MALAT1: variants seen among roughly 807,000 people sequenced by gnomAD.
MALAT1 encodes the protein hepcarcin.
intron 1 of MALAT1, chr11:65,498,207 G>A (rs758072886): frequency 1.3e-5 from 7 of 518,812 alleles, no homozygotes; most frequent in Admixed American, 7.8e-5. Flanking sequence ...CGGAGACAAA[G>A]CCATTCGCTT....
At chr11:65,504,976 G>C (rs561441834) in intron 3 of MALAT1, 36 of 518,792 alleles carry the variant, frequency 6.9e-5, no homozygotes, top group South Asian at 4.5e-4. Context: ...ACTATAGAAG[G>C]AGCTTCCAGT....
At chr11:65,499,446 T>A in exon 3 of MALAT1, 1 of 473,210 alleles carries the variant, frequency 2.1e-6, no homozygotes, top group Non-Finnish European at 4.2e-6. Context: ...GCTTAAAGTT[T>A]AGTTTAAAAG....
intron 3 of MALAT1, chr11:65,503,955 A>G (rs1201699658): frequency 1.9e-6 from 1 of 515,680 alleles, no homozygotes; most frequent in Non-Finnish European, 3.9e-6. Context: ...TTATTTCCAG[A>G]AAGTCAGGGG....
chr11:65,500,349 AGATTATTTT>A (rs770280276), exon 3 of MALAT1: 1 of 518,726 alleles, frequency 1.9e-6, no homozygotes, highest in South Asian at 1.4e-5. Flanking sequence ...CTTTGAGTTA[AGATTATTTT>A]TTAAATCCTG....
intron 1 of MALAT1, chr11:65,498,057 G>A (rs763481434): frequency 2.9e-5 from 15 of 518,754 alleles, no homozygotes; most frequent in Non-Finnish European, 4.6e-5. Flanking sequence ...TTCCTGCTCC[G>A]GTTCAGAAGG....
intron 3 of MALAT1, chr11:65,505,746 T>C (rs764376702): frequency 3.9e-6 from 2 of 518,968 alleles, no homozygotes; most frequent in South Asian, 2.8e-5. Context: ...AACAGAAGGG[T>C]ATTAAAACCA....
exon 3 of MALAT1, chr11:65,499,353 A>G: frequency 2.0e-6 from 1 of 494,818 alleles, no homozygotes; most frequent in Non-Finnish European, 4.0e-6. Context: ...TTAAAAGAAA[A>G]TTGAGAGAAA....
Position 65,500,308 on chromosome 11 carries a change from GTAAT to G in MALAT1, n.1574_1577del, listed in dbSNP as rs771824762. 28 of 518,876 alleles carry G rather than the reference GTAAT, an allele frequency of 5.4e-5. No homozygotes were observed. The East Asian group carries it at 1.5e-3, about 28-fold the overall frequency. 32.1% of individuals were successfully genotyped at this position (518,876 alleles called of 1,614,324 possible). A position where few individuals can be genotyped will look rare whatever the true frequency, so the allele number is the denominator to read the frequency against. On this transcript the variant is annotated non_coding_transcript_exon_variant, in exon 3 of 4. Transcript: ENST00000619449. ...TAACGGAAGTAATTCAAGATCAAGAGTAATTACCAACTTAATGTTTTTGCATTGG... is the reference window on the plus strand; with the variant it reads ...TAACGGAAGTAATTCAAGATCAAGAGTACCAACTTAATGTTTTTGCATTGG...
intron 3 of MALAT1, chr11:65,505,463 G>A (rs1241637903): frequency 3.9e-6 from 2 of 513,070 alleles, no homozygotes; most frequent in Non-Finnish European, 7.8e-6. Context: ...GGTGCTTGAA[G>A]GGGAGGGAAA....
chr11:65,499,808 A>G (rs1356208165), exon 3 of MALAT1: 1 of 420,930 alleles, frequency 2.4e-6, no homozygotes, highest in South Asian at 1.8e-5. Flanking sequence ...GCTAGGAAAC[A>G]AAAAGCTAAG....
chr11:65,500,482 C>T (rs1333537069), exon 3 of MALAT1: 4 of 518,750 alleles, frequency 7.7e-6, no homozygotes, highest in Non-Finnish European at 1.5e-5. Context: ...GAAGCTAGGA[C>T]TGAGGAGCAA....
At chr11:65,498,389 C>T (rs760094633) in intron 1 of MALAT1, 13 of 518,226 alleles carry the variant, frequency 2.5e-5, no homozygotes, top group Non-Finnish European at 4.2e-5. Flanking sequence ...TGGCAGCCAA[C>T]GGCCCCCGGG....
At chr11:65,499,718 A>G (rs1483176958) in exon 3 of MALAT1, 1 of 433,938 alleles carries the variant, frequency 2.3e-6, no homozygotes, top group Non-Finnish European at 4.5e-6. Flanking sequence ...AGATAGGGAA[A>G]TTAGAAGATA....
chr11:65,500,744 A>G (rs1854527107), exon 3 of MALAT1: 1 of 518,896 alleles, frequency 1.9e-6, no homozygotes, highest in Admixed American at 1.9e-5. Context: ...TGCCAAGGCC[A>G]CAGGGAAAGC....
exon 3 of MALAT1, chr11:65,500,615 A>T (rs566489319): frequency 1.0e-4 from 52 of 518,954 alleles, no homozygotes; most frequent in South Asian, 7.3e-4. Flanking sequence ...AGGAAAAAGG[A>T]TTCCAGGAAG....
exon 3 of MALAT1, chr11:65,502,254 T>C (rs766034692): frequency 7.7e-6 from 4 of 518,690 alleles, no homozygotes; most frequent in African/African-American, 5.8e-5. Flanking sequence ...TGTTTGGATA[T>C]GGTAGTGTGT....
rs763637375 is a variant in MALAT1 at position 65,500,157 on chromosome 11, C to T, written n.1420C>T. ...AGGGGAAGTTGGTTAAAAATCACATCAAAAAGCTACTAAAAGGACTGGTGT... is the reference window on the plus strand; with the variant it reads ...AGGGGAAGTTGGTTAAAAATCACATTAAAAAGCTACTAAAAGGACTGGTGT... On this transcript the variant is annotated non_coding_transcript_exon_variant, in exon 3 of 4. Coordinates refer to ENST00000619449, the Ensembl canonical transcript of MALAT1. 1.4e-5 allele frequency: 7 copies of T among 503,652 alleles called. No individual in the cohort carries two copies. The East Asian group carries it at 2.8e-4, about 20-fold the overall frequency. The allele number at this position is 503,652 out of a possible 1,614,324, so 31.2% of individuals were successfully genotyped here.
chr11:65,500,581 C>T (rs755618497), exon 3 of MALAT1: 3 of 518,722 alleles, frequency 5.8e-6, no homozygotes, highest in Non-Finnish European at 1.2e-5. Context: ...AAGGAAGGAG[C>T]GCTAACGATT....
exon 3 of MALAT1, chr11:65,499,490 T>C (rs1854488758): frequency 2.1e-6 from 1 of 465,774 alleles, no homozygotes; most frequent in East Asian, 5.9e-5. Context: ...AAGGCGATCT[T>C]TTAAAAAGAG....
Sources: allele counts gnomAD v4.1 joint callset, GRCh38; gene constraint gnomAD v4.1.1; transcripts MANE v1.5; gene names NCBI Gene and HGNC (gene_info 2026-07-23, HGNC 2026-07-21).